BACH2: variants seen among roughly 807,000 people sequenced by gnomAD.
The protein encoded by BACH2 is transcription regulator protein BACH2.
In BACH2, 5 loss-of-function variants were observed where a neutral mutation model predicts 61.8. That is an observed-to-expected ratio of 0.08 (90% CI 0.04 to 0.17). BACH2 has a LOEUF of 0.17. Among genes scored for constraint, BACH2 ranks in the 10% least tolerant of loss-of-function variants. The pLI, the probability that BACH2 is intolerant of heterozygous loss-of-function variation, is 1.00. For synonymous variants in BACH2, 446 were observed against 440.1 expected (o/e 1.01, Z -0.17); for missense variants, 824 against 1,091.1 (o/e 0.76, Z 3.45).
intron 7 of BACH2, among the ~76,000 whole-genome samples, chr6:89,940,443 C>G (rs932947309): frequency 9.2e-5 from 14 of 152,366 alleles, no homozygotes; most frequent in Admixed American, 5.9e-4. Flanking sequence ...AGGCTTGCAC[C>G]TTTGAGCAGT....
chr6:89,967,858 A>G (rs967635314), intron 6 of BACH2, among the ~76,000 whole-genome samples: 28 of 152,270 alleles, frequency 1.8e-4, no homozygotes, highest in African/African-American at 6.7e-4. Flanking sequence ...TGGATAGTCA[A>G]TCAAAGGGAG....
chr6:90,292,256 C>T (rs1050392612), intron 1 of BACH2, among the ~76,000 whole-genome samples: 2 of 152,246 alleles, frequency 1.3e-5, no homozygotes, highest in Admixed American at 6.5e-5. Flanking sequence ...ACGACACCTA[C>T]TTCAAAGGGT....
At chr6:90,112,394 A>G (rs1293214079) in intron 4 of BACH2, among the ~76,000 whole-genome samples, 1 of 152,208 alleles carries the variant, frequency 6.6e-6, no homozygotes, top group Admixed American at 6.5e-5. Flanking sequence ...TCAGGCTAAC[A>G]GTGAACCTCT....
chr6:90,019,558 A>G (rs1384503621), intron 5 of BACH2, among the ~76,000 whole-genome samples: 1 of 152,190 alleles, frequency 6.6e-6, no homozygotes, highest in Non-Finnish European at 1.5e-5. Context: ...CTATGAGTCT[A>G]TAAAAGAAAT....
intron 4 of BACH2, among the ~76,000 whole-genome samples, chr6:90,187,300 T>G (rs950582407): frequency 3.3e-5 from 5 of 152,158 alleles, no homozygotes; most frequent in African/African-American, 1.2e-4. Context: ...TAAAAATAAA[T>G]CAGGGTAACA....
At chr6:90,293,927 A>C (rs1379285948) in intron 1 of BACH2, among the ~76,000 whole-genome samples, 3 of 152,238 alleles carry the variant, frequency 2.0e-5, no homozygotes, top group Admixed American at 2.0e-4. Context: ...AATTGCCTGA[A>C]GATACTAAGT....
At chr6:89,966,926 T>G (rs1378314705) in intron 6 of BACH2, among the ~76,000 whole-genome samples, 1 of 152,198 alleles carries the variant, frequency 6.6e-6, no homozygotes, top group African/African-American at 2.4e-5. Context: ...GTCATGAACT[T>G]CTGGGCTCAA....
intron 4 of BACH2, among the ~76,000 whole-genome samples, chr6:90,120,168 C>A (rs2127819444): frequency 6.6e-6 from 1 of 152,248 alleles, no homozygotes; most frequent in East Asian, 1.9e-4. Flanking sequence ...TAAGGCCTCA[C>A]CAGCACCCTA....
At chr6:90,057,323 C>CGTT (rs1452467376) in intron 5 of BACH2, among the ~76,000 whole-genome samples, 8 of 152,144 alleles carry the variant, frequency 5.3e-5, no homozygotes, top group African/African-American at 1.9e-4. Flanking sequence ...TACAAACTAC[C>CGTT]ATCAGAGAAT....
intron 4 of BACH2, among the ~76,000 whole-genome samples, chr6:90,126,523 G>A (rs546772616): frequency 1.3e-5 from 2 of 152,190 alleles, no homozygotes; most frequent in Non-Finnish European, 2.9e-5. Context: ...AGAAACAAAA[G>A]AGTGAACATG....
chr6:90,002,769 C>CA (rs1777203553), intron 6 of BACH2, among the ~76,000 whole-genome samples: 1 of 152,086 alleles, frequency 6.6e-6, no homozygotes, highest in Non-Finnish European at 1.5e-5. Context: ...GACTCTGTCT[C>CA]AAAAATTAAA....
Position 89,950,561 on chromosome 6 carries a change from G to A in BACH2, c.1545C>T (p.Thr515=). 1 of 1,611,022 alleles carries A rather than the reference G, an allele frequency of 6.2e-7. No homozygotes were observed. The highest frequency in any genetic ancestry group is 8.5e-7 in the Non-Finnish European group (1 of 1,177,872). Residue 515 remains threonine (T), a synonymous_variant, in exon 7 of 9, where the codon ACC becomes ACT. Transcript: ENST00000257749. The surrounding 1 kb of genome is among the most constrained non-coding windows in gnomAD (Gnocchi z 5.3). ...KVCPRSPPLE[T]RTRTSSSCSS... ...AGCAGGAGCTGGAAGTCCTGGTCCTGGTCTCCAAGGGGGGTGAGCGAGGGC... is the reference window on the plus strand; with the variant it reads ...AGCAGGAGCTGGAAGTCCTGGTCCTAGTCTCCAAGGGGGGTGAGCGAGGGC...
intron 3 of BACH2, among the ~76,000 whole-genome samples, chr6:90,238,301 A>G (rs1050305190): frequency 6.6e-6 from 1 of 152,248 alleles, no homozygotes; most frequent in African/African-American, 2.4e-5. Flanking sequence ...ATGGGAAGAC[A>G]CACACTGGCT....
intron 6 of BACH2, among the ~76,000 whole-genome samples, chr6:89,976,032 C>T (rs1444596303): frequency 1.3e-5 from 2 of 152,188 alleles, no homozygotes; most frequent in East Asian, 1.9e-4. Context: ...TTTAGAACCA[C>T]AAGAGCTAGG....
chr6:90,173,099 A>G (rs975465449), intron 4 of BACH2, among the ~76,000 whole-genome samples: 4 of 152,100 alleles, frequency 2.6e-5, no homozygotes, highest in African/African-American at 7.2e-5. Context: ...TAGTAGAAGA[A>G]AAACCATGGA....
At chr6:90,052,796 G>T (rs1233461061) in intron 5 of BACH2, among the ~76,000 whole-genome samples, 2 of 152,170 alleles carry the variant, frequency 1.3e-5, no homozygotes, top group Non-Finnish European at 2.9e-5. Flanking sequence ...AATACGAATT[G>T]TTAAATGTGT....
At chr6:90,014,926 G>A (rs1318160541) in intron 5 of BACH2, among the ~76,000 whole-genome samples, 2 of 150,004 alleles carry the variant, frequency 1.3e-5, no homozygotes, top group Non-Finnish European at 2.9e-5. Context: ...ACTATAGGCC[G>A]TGCCACCATG....
At position 89,968,722 on chromosome 6, in the gene BACH2, T is replaced by C. The variant is rs141727840; in HGVS notation, c.244-16860A>G. ...AGCAAAAAATGTAGTTTTAAAAATC[T>C]GTCTTGGGCTGGGCACAGTGGTTCA... On this transcript the variant is annotated intron_variant, in intron 6 of 8. Coordinates refer to ENST00000257749, the MANE Select transcript of BACH2 (RefSeq NM_021813.4). Among the ~76,000 whole-genome samples, 364 of 152,336 alleles carry C rather than the reference T, an allele frequency of 2.4e-3. 1 individual carries two copies. Among genetic ancestry groups the C allele is most frequent in the African/African-American group, 8.5e-3 (355 of 41,570 alleles).
chr6:90,124,862 T>G (rs923937057), intron 4 of BACH2, among the ~76,000 whole-genome samples: 2 of 152,222 alleles, frequency 1.3e-5, no homozygotes, highest in Non-Finnish European at 2.9e-5. Flanking sequence ...CCAGCAAGAA[T>G]GCCCAGTGAC....
Sources: gnomAD v4.1 joint callset for allele counts (sites outside exome capture counted in the v4.1 genomes callset) on GRCh38, gnomAD v4.1.1 for gene constraint, Gnocchi (gnomAD v3.1) non-coding constraint, MANE v1.5 for transcripts, NCBI Gene and HGNC (gene_info 2026-07-23, HGNC 2026-07-21) for gene names.